Variants in SLC25A30 observed in about 807,000 individuals in gnomAD.
SLC25A30 encodes kidney mitochondrial carrier protein 1.
In SLC25A30, 29 loss-of-function variants were observed where a neutral mutation model predicts 42.7. The ratio of observed to expected loss-of-function variants is 0.68; its 90% CI spans 0.51 to 0.93. SLC25A30 has a LOEUF of 0.93. Among genes scored for constraint, SLC25A30 ranks in the 40% least tolerant of loss-of-function variants. The pLI is 0.00. For missense variants in SLC25A30, 300 were observed against 359.7 expected (o/e 0.83, Z 1.34); for synonymous variants, 124 against 131.0 (o/e 0.95, Z 0.37).
chr13:45,399,830 A>G (rs1231599642), intron 7 of SLC25A30, among the ~76,000 whole-genome samples: 1 of 151,922 alleles, frequency 6.6e-6, no homozygotes, highest in South Asian at 2.1e-4. Flanking sequence ...AGGTTCTGCT[A>G]TATTTTCAGT....
chr13:45,400,302 G>A (rs1271919016), intron 7 of SLC25A30, among the ~76,000 whole-genome samples: 2 of 151,628 alleles, frequency 1.3e-5, no homozygotes, highest in African/African-American at 4.8e-5. Context: ...TGCGCCGGCA[G>A]TCCCAGCTAC....
At chr13:45,400,059 CACACACAT>C (rs1331766391) in intron 7 of SLC25A30, among the ~76,000 whole-genome samples, 1 of 146,790 alleles carries the variant, frequency 6.8e-6, no homozygotes, top group Non-Finnish European at 1.5e-5. Flanking sequence ...CACACACACA[CACACACAT>C]ATGAATGATA....
the SLC25A30 span, among the ~76,000 whole-genome samples, chr13:45,423,807 T>C: frequency 1.8e-4 from 8 of 44,142 alleles, 1 homozygote; most frequent in Admixed American, 4.0e-4. Flanking sequence ...TATATTTATA[T>C]ATATAAAAAT....
Position 45,395,027 on chromosome 13 carries a change from G to T in SLC25A30, c.*947C>A. ...GCTTCATTCACAATTACCATGAGAA[G>T]CCCATGAGAACATGCCCCTCTTCTA... On this transcript the variant is annotated 3_prime_UTR_variant, in exon 10 of 10. Transcript: ENST00000519676. 1.0e-6 allele frequency: 1 copy of T among 985,384 alleles called. No homozygotes were observed. Among genetic ancestry groups the T allele is most frequent in the Non-Finnish European group, 1.2e-6 (1 of 829,920 alleles). 61.0% of individuals were successfully genotyped at this position (985,384 alleles called of 1,614,324 possible). A position where few individuals can be genotyped will look rare whatever the true frequency, so the allele number is the denominator to read the frequency against.
At chr13:45,414,548 C>T (rs1244596891) in intron 1 of SLC25A30, among the ~76,000 whole-genome samples, 3 of 151,560 alleles carry the variant, frequency 2.0e-5, no homozygotes. Context: ...AACCGGGAGG[C>T]GGAAGTTGCA....
intron 8 of SLC25A30, chr13:45,397,699 AAAT>A (rs567510417): frequency 6.6e-5 from 12 of 182,994 alleles, no homozygotes; most frequent in South Asian, 1.7e-4. Flanking sequence ...CCATCTCAAA[AAAT>A]AATAATAATA....
At chr13:45,422,055 A>C (rs533191746), upstream of SLC25A30, among the ~76,000 whole-genome samples, 3 of 152,304 alleles carry the variant, frequency 2.0e-5, no homozygotes, top group East Asian at 5.8e-4. Context: ...GCCAATCTCT[A>C]TGAGGAGCTG....
intron 9 of SLC25A30, chr13:45,396,278 T>A: frequency 7.5e-7 from 1 of 1,337,510 alleles, no homozygotes; most frequent in Non-Finnish European, 9.6e-7. Context: ...GATAAGCTTT[T>A]GTGGCTTTGC....
intron 5 of SLC25A30, among the ~76,000 whole-genome samples, chr13:45,403,605 TA>T (rs1359813342): frequency 1.3e-5 from 2 of 152,216 alleles, no homozygotes; most frequent in Non-Finnish European, 2.9e-5. Context: ...TTGTAGTAAT[TA>T]AATTTTTTCA....
chr13:45,408,894 C>T, intron 3 of SLC25A30, 33 bp downstream of exon 3: 1 of 1,574,970 alleles, frequency 6.3e-7, no homozygotes, highest in Non-Finnish European at 8.6e-7. Flanking sequence ...AAACAGTGAA[C>T]AGTGACACAG....
chr13:45,421,502 T>G (rs1883892445), upstream of SLC25A30, among the ~76,000 whole-genome samples: 1 of 152,108 alleles, frequency 6.6e-6, no homozygotes, highest in African/African-American at 2.4e-5. Context: ...TGCCTTCAAC[T>G]TTCCCCCTAT....
chr13:45,406,176 G>A (rs865781798), intron 3 of SLC25A30, among the ~76,000 whole-genome samples, 199 bp from the exon 4 acceptor site: 1 of 151,804 alleles, frequency 6.6e-6, no homozygotes, highest in Non-Finnish European at 1.5e-5. Flanking sequence ...TCTGCCTCCC[G>A]GGTTCAAGCG....
the SLC25A30 span, among the ~76,000 whole-genome samples, chr13:45,425,469 T>A: frequency 1.0e-5 from 1 of 97,040 alleles, no homozygotes; most frequent in Non-Finnish European, 2.1e-5. Context: ...TATATAAATA[T>A]ATATAAGCAT....
At chr13:45,419,601 G>A (rs1883825732), upstream of SLC25A30, among the ~76,000 whole-genome samples, 1 of 151,480 alleles carries the variant, frequency 6.6e-6, no homozygotes, top group Non-Finnish European at 1.5e-5. Flanking sequence ...TTACAGGTGT[G>A]AGCCACGGCA....
At chr13:45,412,208 C>T (rs1593625067) in intron 1 of SLC25A30, among the ~76,000 whole-genome samples, 2 of 151,992 alleles carry the variant, frequency 1.3e-5, no homozygotes, top group East Asian at 3.9e-4. Context: ...TAGCCTCAAC[C>T]TCCTGGGCTC....
At chr13:45,414,300 C>T (rs1008175298) in intron 1 of SLC25A30, among the ~76,000 whole-genome samples, 9 of 151,960 alleles carry the variant, frequency 5.9e-5, no homozygotes, top group African/African-American at 1.2e-4. Context: ...ACTAGAGAGC[C>T]GCAGTACATG....
chr13:45,427,540 C>T, the SLC25A30 span, among the ~76,000 whole-genome samples: 3 of 152,240 alleles, frequency 2.0e-5, no homozygotes, highest in African/African-American at 7.2e-5. Context: ...ATCCACGTTT[C>T]CCCATCTCCC....
intron 8 of SLC25A30, chr13:45,398,110 C>A (rs1000006353): frequency 5.8e-4 from 554 of 949,722 alleles, no homozygotes; most frequent in Non-Finnish European, 6.8e-4. Flanking sequence ...ACAGGAACCA[C>A]AAAAGTGGCC....
chr13:45,395,055 T>C lies in SLC25A30; in HGVS notation c.*919A>G, dbSNP rs1367964008. On this transcript the variant is annotated 3_prime_UTR_variant, in exon 10 of 10. Coordinates refer to ENST00000519676, the MANE Select transcript of SLC25A30 (RefSeq NM_001010875.4). The stretch of plus-strand genomic sequence containing the variant: ...CATGAGAACATGCCCCTCTTCTACA[T>C]AGACTGTTTAGAGCTGTTCCACAGC... The C allele has an allele frequency of 5.1e-6, 5 of 985,366 alleles. No individual in the cohort carries two copies. In the South Asian group the frequency reaches 1.9e-4, roughly 37 times the overall value. The allele number at this position is 985,366 out of a possible 1,614,324, so 61.0% of individuals were successfully genotyped here. A position where few individuals can be genotyped will look rare whatever the true frequency, so the allele number is the denominator to read the frequency against.
Sources: gnomAD v4.1 joint callset for allele counts (sites outside exome capture counted in the v4.1 genomes callset) on GRCh38, gnomAD v4.1.1 for gene constraint, MANE v1.5 for transcripts, NCBI Gene and HGNC (gene_info 2026-07-23, HGNC 2026-07-21) for gene names.